CAMK2B: variants seen among roughly 807,000 people sequenced by gnomAD.
CAMK2B encodes the protein calcium/calmodulin-dependent protein kinase type II subunit beta.
A neutral mutation model predicts 93.7 loss-of-function variants in CAMK2B; 27 were observed. The observed-to-expected ratio is 0.29, with a 90% confidence interval of 0.21 to 0.40. The LOEUF (loss-of-function observed/expected upper bound fraction) is 0.40, where lower values mean the gene tolerates loss of function less well. CAMK2B is among the 10% of genes least tolerant of loss of function. The probability of loss-of-function intolerance (pLI) is 1.00; values close to 1 mark genes in which losing one functional copy is unlikely to be tolerated. For missense variants in CAMK2B, 568 were observed against 895.8 expected (o/e 0.63, Z 4.67); for synonymous variants, 374 against 358.8 (o/e 1.04, Z -0.48).
Position 44,228,897 on chromosome 7 carries a change from G to T in CAMK2B, c.1367C>A (p.Ser456Tyr). 6.2e-7 allele frequency: 1 copy of T among 1,607,218 alleles called. No homozygotes were observed. The highest frequency in any genetic ancestry group is 8.5e-7 in the Non-Finnish European group (1 of 1,176,628). Residue 456 changes from serine to tyrosine, a missense_variant, in exon 19 of 24, where the codon TCT becomes TAT. Ser to Tyr is a moderately radical substitution (Grantham distance 144). Coordinates refer to ENST00000395749, the MANE Select transcript of CAMK2B (RefSeq NM_001220.5). ...PSPRISDILN[S>Y]VRRGSGTPEA... ...TGGGGTTCCTGAACCCCTTCTCACA[G>T]AGTTCAGGATGTCAGAGATCCTGGG...
At chr7:44,253,195 A>G (rs1426998868) in intron 5 of CAMK2B, among the ~76,000 whole-genome samples, 4 of 152,136 alleles carry the variant, frequency 2.6e-5, no homozygotes, top group Admixed American at 2.6e-4. Flanking sequence ...ACTCATTTTA[A>G]AAAGAGTTTT....
At position 44,246,533 on chromosome 7, in the gene CAMK2B, T is replaced by G. The variant is rs117432526; in HGVS notation, c.414+587A>C. ...TGAACATGCCCACACATGTACACACTTGTACACACTTGCATACTCATGCAT... is the reference window on the plus strand; with the variant it reads ...TGAACATGCCCACACATGTACACACGTGTACACACTTGCATACTCATGCAT... On this transcript the variant is annotated intron_variant, in intron 6 of 23. Coordinates refer to ENST00000395749, the MANE Select transcript of CAMK2B (RefSeq NM_001220.5). Among the ~76,000 whole-genome samples the G allele has an allele frequency of 5.4e-3, 827 of 152,096 alleles. 16 individuals carry two copies. Among genetic ancestry groups the G allele is most frequent in the Admixed American group, 0.036 (552 of 15,292 alleles).
chr7:44,288,980 C>T (rs1251028477), intron 1 of CAMK2B, among the ~76,000 whole-genome samples: 1 of 152,170 alleles, frequency 6.6e-6, no homozygotes, highest in Non-Finnish European at 1.5e-5. Flanking sequence ...CAGGCAGAGG[C>T]AGCAGGAAGC....
At chr7:44,222,217 T>C (rs530319039) in intron 20 of CAMK2B, among the ~76,000 whole-genome samples, 1 of 152,180 alleles carries the variant, frequency 6.6e-6, no homozygotes, top group Non-Finnish European at 1.5e-5. Flanking sequence ...GAACTCTCCC[T>C]GTGGGGGAAG....
chr7:44,279,374 C>T (rs2097082852), intron 2 of CAMK2B, among the ~76,000 whole-genome samples: 1 of 152,222 alleles, frequency 6.6e-6, no homozygotes, highest in African/African-American at 2.4e-5. Context: ...TGAGGCTGTG[C>T]AGCCCTGGGC....
chr7:44,315,955 A>G (rs768156703), intron 1 of CAMK2B, among the ~76,000 whole-genome samples: 4 of 152,164 alleles, frequency 2.6e-5, no homozygotes, highest in Non-Finnish European at 4.4e-5. Context: ...AGTTTTTTAA[A>G]TGGATTCCTT....
chr7:44,282,461 C>T lies in CAMK2B; in HGVS notation c.160+1670G>A, dbSNP rs1449554785. Among the ~76,000 whole-genome samples the T allele has an allele frequency of 2.0e-5, 3 of 152,242 alleles. No individual in the cohort carries two copies. In the South Asian group the frequency reaches 6.2e-4, roughly 32 times the overall value. On this transcript the variant is annotated intron_variant, in intron 2 of 23. Coordinates refer to ENST00000395749, the MANE Select transcript of CAMK2B (RefSeq NM_001220.5). ...TGCCCCAGCCCACTCCTCAGTGTCC[C>T]TGCTGAACCCTCTGCAGTGTCACCC...
In CAMK2B at chr7:44,278,144, G is replaced by A. The variant is rs185379962; in HGVS notation, c.160+5987C>T. Among the ~76,000 whole-genome samples, 362 of 152,334 alleles carry A rather than the reference G, an allele frequency of 2.4e-3. 2 individuals are homozygous for A. The highest frequency in any genetic ancestry group is 8.5e-3 in the African/African-American group (353 of 41,576). Reference sequence around the variant, plus strand: ...TTCCAGGCAGGGTGGCAGGCTGCCCGTGGGACGATCCAGGACAGCTTCATG... The same window carrying A: ...TTCCAGGCAGGGTGGCAGGCTGCCCATGGGACGATCCAGGACAGCTTCATG... On this transcript the variant is annotated intron_variant, in intron 2 of 23. Transcript: ENST00000395749.
At chr7:44,275,094 A>T (rs1446592879) in intron 2 of CAMK2B, among the ~76,000 whole-genome samples, 1 of 152,160 alleles carries the variant, frequency 6.6e-6, no homozygotes, top group Non-Finnish European at 1.5e-5. Flanking sequence ...GGAAATGCGG[A>T]AGGACGCAAA....
intron 6 of CAMK2B, among the ~76,000 whole-genome samples, chr7:44,246,706 G>A (rs1472205481): frequency 6.6e-6 from 1 of 152,062 alleles, no homozygotes; most frequent in African/African-American, 2.4e-5. Flanking sequence ...GGTGCAAGAT[G>A]CACACACAAG....
At chr7:44,235,135 C>T (rs1229767215) in intron 13 of CAMK2B, among the ~76,000 whole-genome samples, 1 of 152,226 alleles carries the variant, frequency 6.6e-6, no homozygotes, top group Non-Finnish European at 1.5e-5. Flanking sequence ...GGGTGGGCTG[C>T]AGCTGGCCGC....
intron 19 of CAMK2B, 108 bp downstream of exon 19, chr7:44,228,688 G>A (rs560369629): frequency 1.6e-4 from 180 of 1,093,044 alleles, no homozygotes; most frequent in South Asian, 4.9e-4. Context: ...CTGCGGCGCC[G>A]GGGCAGGGTA....
At chr7:44,295,872 T>C (rs1031304433) in intron 1 of CAMK2B, among the ~76,000 whole-genome samples, 1 of 152,054 alleles carries the variant, frequency 6.6e-6, no homozygotes, top group African/African-American at 2.4e-5. Context: ...CATAAGCGGA[T>C]GGAAGAGAGA....
At chr7:44,256,962 A>T (rs1222947679) in intron 4 of CAMK2B, among the ~76,000 whole-genome samples, 7 of 152,204 alleles carry the variant, frequency 4.6e-5, no homozygotes, top group African/African-American at 1.7e-4. Flanking sequence ...GAAGGCACAC[A>T]TATGACTCCA....
At chr7:44,230,453 C>T (rs763464198) in intron 17 of CAMK2B, 1 of 154,034 alleles carries the variant, frequency 6.5e-6, no homozygotes, top group Non-Finnish European at 1.4e-5. Flanking sequence ...ATGGAGCATG[C>T]CCCAGTGCCT....
intron 2 of CAMK2B, among the ~76,000 whole-genome samples, chr7:44,279,644 G>C (rs778145095): frequency 5.3e-5 from 8 of 152,220 alleles, no homozygotes; most frequent in Non-Finnish European, 7.3e-5. Context: ...CAAGGCCTGT[G>C]ATGAGCCACA....
intron 1 of CAMK2B, among the ~76,000 whole-genome samples, chr7:44,324,217 GA>G (rs1343196168): frequency 1.1e-4 from 16 of 152,268 alleles, no homozygotes; most frequent in African/African-American, 3.6e-4. Context: ...TTTAGTAAAG[GA>G]AAAAAAGGAT....
chr7:44,231,081 C>A, intron 16 of CAMK2B, 27 bp from the exon 17 acceptor site: 1 of 1,548,744 alleles, frequency 6.5e-7, no homozygotes, highest in South Asian at 1.2e-5. Context: ...GGCAGCGGGT[C>A]AGGATGCGGC....
chr7:44,242,726 C>A, intron 8 of CAMK2B, 72 bp from the exon 9 acceptor site: 1 of 1,041,904 alleles, frequency 9.6e-7, no homozygotes. Context: ...TGCCCTGCAC[C>A]CTCACTGCCT....
Sources: gnomAD v4.1 joint callset for allele counts (sites outside exome capture counted in the v4.1 genomes callset) on GRCh38, gnomAD v4.1.1 for gene constraint, MANE v1.5 for transcripts, NCBI Gene and HGNC (gene_info 2026-07-23, HGNC 2026-07-21) for gene names.